The following PRRX1 variants were observed in gnomAD, a reference collection of about 807,000 sequenced individuals.
The protein encoded by PRRX1 is paired mesoderm homeobox protein 1.
A neutral mutation model predicts 24.0 loss-of-function variants in PRRX1; 8 were observed. That is an observed-to-expected ratio of 0.33 (90% CI 0.20 to 0.60). The LOEUF is 0.60. Ranked by LOEUF, PRRX1 falls within the 20% of genes least tolerant of loss-of-function variation. The probability of loss-of-function intolerance (pLI) is 0.82; values close to 1 mark genes in which losing one functional copy is unlikely to be tolerated. For missense variants in PRRX1, 281 were observed against 322.4 expected, an observed-to-expected ratio of 0.87 and a Z score of 0.98; for synonymous variants, 160 against 131.7, an observed-to-expected ratio of 1.22 and a Z score of -1.47.
chr1:170,696,370 G>A (rs935639283), intron 1 of PRRX1, among the ~76,000 whole-genome samples: 5 of 152,138 alleles, frequency 3.3e-5, no homozygotes, highest in African/African-American at 1.2e-4. Flanking sequence ...ATTCTCTAGT[G>A]TGCGGTTCTC....
At chr1:170,677,858 A>T (rs939499940) in intron 1 of PRRX1, among the ~76,000 whole-genome samples, 1 of 152,220 alleles carries the variant, frequency 6.6e-6, no homozygotes, top group Admixed American at 6.5e-5. Flanking sequence ...TGTTACAGTG[A>T]TTGAAGAAGA....
At position 170,737,464 on chromosome 1, in the gene PRRX1, A is replaced by T. The variant is rs1436695900; in HGVS notation, c.*1278A>T. 5.0e-6 allele frequency: 1 copy of T among 201,056 alleles called. No homozygotes were observed. Among genetic ancestry groups the T allele is most frequent in the Non-Finnish European group, 1.0e-5 (1 of 97,622 alleles). 12.5% of individuals were successfully genotyped at this position (201,056 alleles called of 1,614,324 possible). On this transcript the variant is annotated 3_prime_UTR_variant, in exon 4 of 4. Coordinates refer to ENST00000239461, the MANE Select transcript of PRRX1 (RefSeq NM_022716.4). ...CTGAGCTCTGGTGAAATGCTGATAC[A>T]TCTGATCTATCATGGGAATTGCAGT...
chr1:170,711,330 A>G (rs957944481), intron 1 of PRRX1, among the ~76,000 whole-genome samples: 1 of 152,170 alleles, frequency 6.6e-6, no homozygotes, highest in African/African-American at 2.4e-5. Flanking sequence ...TTTCTCTGCT[A>G]TAAGCACCTT....
chr1:170,664,906 C>G (rs13374413), intron 1 of PRRX1, among the ~76,000 whole-genome samples: 1 of 152,120 alleles, frequency 6.6e-6, no homozygotes, highest in East Asian at 1.9e-4. Flanking sequence ...TCTCGGGCAG[C>G]GTATGACGGC....
At chr1:170,712,584 T>C (rs915963993) in intron 1 of PRRX1, among the ~76,000 whole-genome samples, 1 of 152,202 alleles carries the variant, frequency 6.6e-6, no homozygotes, top group African/African-American at 2.4e-5. Context: ...CACATTATGG[T>C]AGCACTGGTA....
At chr1:170,667,914 G>A (rs764993458) in intron 1 of PRRX1, 6 of 151,850 alleles carry the variant, frequency 4.0e-5, no homozygotes, top group Non-Finnish European at 5.9e-5. Flanking sequence ...CTATAACCTG[G>A]GCCGAATATA....
At chr1:170,725,432 C>T (rs1558062128) in intron 2 of PRRX1, among the ~76,000 whole-genome samples, 1 of 152,170 alleles carries the variant, frequency 6.6e-6, no homozygotes. Context: ...ATTTCTGTGC[C>T]AGCAGTTTCT....
intron 1 of PRRX1, among the ~76,000 whole-genome samples, chr1:170,715,376 T>C (rs1344771756): frequency 1.3e-5 from 2 of 152,206 alleles, no homozygotes; most frequent in African/African-American, 4.8e-5. Flanking sequence ...ATCTCTTTTC[T>C]ATAGAAATAC....
intron 1 of PRRX1, among the ~76,000 whole-genome samples, chr1:170,690,072 T>C (rs149275145): frequency 6.6e-6 from 1 of 152,062 alleles, no homozygotes; most frequent in African/African-American, 2.4e-5. Context: ...CTCTAGCTCT[T>C]GCTAGCATTT....
At chr1:170,707,778 T>C (rs982903149) in intron 1 of PRRX1, among the ~76,000 whole-genome samples, 2 of 152,356 alleles carry the variant, frequency 1.3e-5, no homozygotes, top group South Asian at 4.1e-4. Context: ...TAAACACTAG[T>C]ATATCCAGTT....
At chr1:170,671,649 A>G (rs1191454191) in intron 1 of PRRX1, among the ~76,000 whole-genome samples, 1 of 152,194 alleles carries the variant, frequency 6.6e-6, no homozygotes, top group African/African-American at 2.4e-5. Context: ...TTCAGGGACT[A>G]TAGGAATATA....
At chr1:170,672,989 T>C (rs1653194506) in intron 1 of PRRX1, among the ~76,000 whole-genome samples, 1 of 152,150 alleles carries the variant, frequency 6.6e-6, no homozygotes, top group African/African-American at 2.4e-5. Flanking sequence ...TAAATGCTGT[T>C]TTCTAGGATC....
In PRRX1 at chr1:170,719,846, C is replaced by T. The variant is rs931929789; in HGVS notation, c.362C>T (p.Ala121Val). 2.5e-6 allele frequency: 4 copies of T among 1,614,080 alleles called. No individual in the cohort carries two copies. The highest frequency in any genetic ancestry group is 2.7e-5 in the African/African-American group (2 of 74,938). Residue 121 changes from alanine (A) to valine (V), a missense_variant, in exon 2 of 4, where the codon GCT becomes GTT. Transcript: ENST00000239461. ...TTTGAGCGGACACACTATCCTGATG[C>T]TTTTGTGCGAGAAGACCTTGCCCGC... ...RVFERTHYPDAFVREDLARRV... is the reference protein window; with the variant it reads ...RVFERTHYPDVFVREDLARRV...
At chr1:170,699,775 A>T (rs927740067) in intron 1 of PRRX1, among the ~76,000 whole-genome samples, 5 of 151,950 alleles carry the variant, frequency 3.3e-5, no homozygotes, top group Non-Finnish European at 2.9e-5. Context: ...TCGCTCTGTC[A>T]CCTAGGCTGG....
At position 170,736,544 on chromosome 1, in the gene PRRX1, C is replaced by CTATATATATA. The variant is rs61148079; in HGVS notation, c.*376_*385dup. On this transcript the variant is annotated 3_prime_UTR_variant, in exon 4 of 4. Coordinates refer to ENST00000239461, the MANE Select transcript of PRRX1 (RefSeq NM_022716.4). ...AAAAAAACTACAGCAGCCAAAGAAACTATATATATATATATATATATATAT... is the reference window on the plus strand; with the variant it reads ...AAAAAAACTACAGCAGCCAAAGAAACTATATATATATATATATATATATATATATATATAT... The CTATATATATA allele has an allele frequency of 8.8e-6, 2 of 227,754 alleles. No individual in the cohort carries two copies. Among genetic ancestry groups the CTATATATATA allele is most frequent in the Non-Finnish European group, 1.8e-5 (2 of 111,966 alleles). The allele number at this position is 227,754 out of a possible 1,614,324, so 14.1% of individuals were successfully genotyped here.
intron 1 of PRRX1, among the ~76,000 whole-genome samples, chr1:170,699,725 G>A (rs1344231705): frequency 6.6e-6 from 1 of 151,962 alleles, no homozygotes. Context: ...AAATACCAGT[G>A]TGCCTCAAAA....
Position 170,695,565 on chromosome 1 carries a change from A to G in PRRX1, c.242-24161A>G, listed in dbSNP as rs191183648. ...CCTCAGTCACAGTTGAATAGAAGAG[A>G]GTATTTTCTTCTTCAGAATCAAGAC... is the stretch of plus-strand genomic sequence containing the variant. On this transcript the variant is annotated intron_variant, in intron 1 of 3. Transcript: ENST00000239461. 4.7e-3 allele frequency among the ~76,000 whole-genome samples: 712 copies of G among 152,268 alleles called. 4 individuals are homozygous for G. Among genetic ancestry groups the G allele is most frequent in the Non-Finnish European group, 6.9e-3 (472 of 68,010 alleles).
intron 1 of PRRX1, among the ~76,000 whole-genome samples, chr1:170,690,290 G>A (rs1571324810): frequency 6.6e-6 from 1 of 152,180 alleles, no homozygotes; most frequent in Admixed American, 6.6e-5. Context: ...TATGGCTTCT[G>A]CGATGGAGTC....
chr1:170,706,551 G>A (rs1039008830), intron 1 of PRRX1, among the ~76,000 whole-genome samples: 23 of 152,102 alleles, frequency 1.5e-4, no homozygotes, highest in African/African-American at 4.6e-4. Flanking sequence ...CTGATCCACT[G>A]ACGTTCCCCC....
Sources: allele counts gnomAD v4.1 joint callset (sites outside exome capture counted in the v4.1 genomes callset), GRCh38; gene constraint gnomAD v4.1.1; transcripts MANE v1.5; gene names NCBI Gene and HGNC (gene_info 2026-07-23, HGNC 2026-07-21).